KAZN: variants seen among roughly 807,000 people sequenced by gnomAD.
The protein encoded by KAZN is kazrin, periplakin interacting protein, also known as kazrin.
A neutral mutation model predicts 87.4 loss-of-function variants in KAZN; 40 were observed. The observed-to-expected ratio is 0.46, with a 90% confidence interval of 0.36 to 0.60. KAZN has a LOEUF of 0.60. Ranked by LOEUF, KAZN falls within the 20% of genes least tolerant of loss-of-function variation. KAZN has a pLI of 0.00. For missense variants in KAZN, 898 were observed against 1,073.9 expected (o/e 0.84, Z 2.29); for synonymous variants, 466 against 458.3 (o/e 1.02, Z -0.22).
chr1:14,542,183 G>T (rs1194545871), intron 2 of KAZN, among the ~76,000 whole-genome samples: 1 of 150,920 alleles, frequency 6.6e-6, no homozygotes, highest in Non-Finnish European at 1.5e-5. Flanking sequence ...AAGAACTAGG[G>T]TATAACAAGG....
intron 2 of KAZN, among the ~76,000 whole-genome samples, chr1:14,541,632 C>T (rs571536118): frequency 1.8e-4 from 28 of 152,274 alleles, no homozygotes; most frequent in Admixed American, 1.6e-3. Flanking sequence ...GGAGGGCTTT[C>T]GGCATTTCAG....
intron 2 of KAZN, among the ~76,000 whole-genome samples, chr1:14,542,672 T>C (rs182281498): frequency 2.4e-4 from 36 of 152,294 alleles, no homozygotes; most frequent in Middle Eastern, 3.4e-3. Context: ...GAGCATAGTA[T>C]CGGATAGGTA....
intron 2 of KAZN, among the ~76,000 whole-genome samples, chr1:14,584,035 G>A (rs928957850): frequency 6.6e-6 from 1 of 152,188 alleles, no homozygotes; most frequent in African/African-American, 2.4e-5. Flanking sequence ...TGTTGGGGCA[G>A]GGATGTGTTG....
intron 1 of KAZN, among the ~76,000 whole-genome samples, chr1:14,834,072 G>C (rs141548296): frequency 0.031 from 4,755 of 151,714 alleles, 245 homozygotes; most frequent in African/African-American, 0.11. Flanking sequence ...GTCTCACTCT[G>C]TCACCCAGGC....
chr1:14,018,828 G>A (rs550881175), intron 1 of KAZN, among the ~76,000 whole-genome samples: 3 of 152,180 alleles, frequency 2.0e-5, no homozygotes, highest in South Asian at 2.1e-4. Flanking sequence ...TTTCAGTCTC[G>A]GACTAAGAAT....
chr1:14,589,705 C>T (rs1571996742), intron 2 of KAZN, among the ~76,000 whole-genome samples: 1 of 152,182 alleles, frequency 6.6e-6, no homozygotes, highest in African/African-American at 2.4e-5. Context: ...TGCAATAAAT[C>T]ATCAAGGGAT....
At chr1:14,707,592 T>C in intron 1 of KAZN, among the ~76,000 whole-genome samples, 1 of 152,208 alleles carries the variant, frequency 6.6e-6, no homozygotes, top group East Asian at 1.9e-4. Flanking sequence ...CACCCTGTAA[T>C]GCTACAGAGG....
chr1:14,748,789 A>G (rs532513068), intron 1 of KAZN, among the ~76,000 whole-genome samples: 6 of 148,636 alleles, frequency 4.0e-5, no homozygotes, highest in African/African-American at 1.5e-4. Context: ...CAATTGTTCA[A>G]TAAGCATCAG....
chr1:14,528,367 A>C (rs1243803384), intron 2 of KAZN, among the ~76,000 whole-genome samples: 2 of 150,346 alleles, frequency 1.3e-5, no homozygotes, highest in South Asian at 4.2e-4. Flanking sequence ...AAAAAGAAAG[A>C]AAAAAAGGAA....
intron 1 of KAZN, among the ~76,000 whole-genome samples, chr1:14,625,874 C>G (rs1679102659): frequency 6.6e-6 from 1 of 152,208 alleles, no homozygotes. Flanking sequence ...GCAAAGAAAC[C>G]TAGTCCTTTT....
Position 14,599,300 on chromosome 1 carries a change from G to C in KAZN, c.226+77G>C, listed in dbSNP as rs1416776977. 7.9e-7 allele frequency: 1 copy of C among 1,264,792 alleles called. No homozygotes were observed. Among genetic ancestry groups the C allele is most frequent in the African/African-American group, 1.6e-5 (1 of 63,984 alleles). The allele number at this position is 1,264,792 out of a possible 1,614,324, so 78.3% of individuals were successfully genotyped here. A position where few individuals can be genotyped will look rare whatever the true frequency, so the allele number is the denominator to read the frequency against. ...GCCTCGGAGGTGGCCGGGGACCCGG[G>C]GTCCCCCACACCCGGGGCGAAATCG... On this transcript the variant is annotated intron_variant, in intron 1 of 14. Coordinates refer to ENST00000376030, the MANE Select transcript of KAZN (RefSeq NM_201628.3). The surrounding 1 kb of genome is among the most constrained non-coding windows in gnomAD (Gnocchi z 4.4).
intron 2 of KAZN, among the ~76,000 whole-genome samples, chr1:14,985,244 TTGGTGGGAGGCCAAGGTGGGAG>T (rs1666673269): frequency 9.1e-6 from 1 of 110,278 alleles, no homozygotes; most frequent in African/African-American, 4.4e-5. Context: ...TCCCAGAACT[TTGGTGGGAGGCCAAGGTGGGAG>T]GCCAAGGTGG....
chr1:15,111,864 G>C (rs1641637427), intron 13 of KAZN: 1 of 153,810 alleles, frequency 6.5e-6, no homozygotes, highest in African/African-American at 2.4e-5. Context: ...AGCTGGATTT[G>C]ACCTGCAGGC....
intron 2 of KAZN, among the ~76,000 whole-genome samples, chr1:14,468,478 A>G (rs1668281068): frequency 6.6e-6 from 1 of 152,166 alleles, no homozygotes; most frequent in East Asian, 1.9e-4. Context: ...CAACGTGCCC[A>G]CTTTGCAGGA....
chr1:14,542,298 G>A, intron 2 of KAZN, among the ~76,000 whole-genome samples: 1 of 128,502 alleles, frequency 7.8e-6, no homozygotes, highest in Admixed American at 8.5e-5. Context: ...CTGTTGTGGG[G>A]TGGGGGGAGG....
chr1:15,011,924 T>A (rs1460788456), intron 2 of KAZN, among the ~76,000 whole-genome samples: 1 of 152,060 alleles, frequency 6.6e-6, no homozygotes, highest in African/African-American at 2.4e-5. Context: ...CCCCCTCCTC[T>A]GTGTGAATGA....
At chr1:14,002,897 C>T (rs1639862185) in intron 1 of KAZN, among the ~76,000 whole-genome samples, 1 of 152,166 alleles carries the variant, frequency 6.6e-6, no homozygotes, top group South Asian at 2.1e-4. Context: ...TATAAAGACA[C>T]ACGCACACGT....
At chr1:14,975,349 G>A (rs1665488288) in intron 2 of KAZN, among the ~76,000 whole-genome samples, 1 of 152,194 alleles carries the variant, frequency 6.6e-6, no homozygotes, top group African/African-American at 2.4e-5. Context: ...GCTCCTGATA[G>A]CCAGGCAGGC....
At chr1:14,199,494 C>G (rs1215156455) in intron 2 of KAZN, among the ~76,000 whole-genome samples, 2 of 152,182 alleles carry the variant, frequency 1.3e-5, no homozygotes, top group Admixed American at 1.3e-4. Flanking sequence ...TCCCCACCCT[C>G]CAAAACTGAT....
Sources: allele counts gnomAD v4.1 joint callset (sites outside exome capture counted in the v4.1 genomes callset), GRCh38; gene constraint gnomAD v4.1.1; non-coding constraint Gnocchi (gnomAD v3.1); transcripts MANE v1.5; gene names NCBI Gene and HGNC (gene_info 2026-07-23, HGNC 2026-07-21).